WTIP: variants seen among roughly 807,000 people sequenced by gnomAD.
The protein encoded by WTIP is Wilms tumor protein 1-interacting protein.
A neutral mutation model predicts 41.7 loss-of-function variants in WTIP; 23 were observed. The observed-to-expected ratio is 0.55, with a 90% confidence interval of 0.40 to 0.78. The LOEUF (loss-of-function observed/expected upper bound fraction) is 0.78. Among genes scored for constraint, WTIP ranks in the 30% least tolerant of loss-of-function variants. The pLI, the probability that WTIP is intolerant of heterozygous loss-of-function variation, is 0.00. For missense variants in WTIP, 619 were observed against 610.5 expected, an observed-to-expected ratio of 1.01 and a Z score of -0.15; for synonymous variants, 314 against 269.9, an observed-to-expected ratio of 1.16 and a Z score of -1.60.
chr19:34,491,678 G>A (rs569099331), intron 2 of WTIP, among the ~76,000 whole-genome samples: 1 of 150,494 alleles, frequency 6.6e-6, no homozygotes. Context: ...ACAGAGTCTC[G>A]CTCTCCCCGA....
chr19:34,505,774 G>T lies in WTIP; in HGVS notation c.*5505G>T, dbSNP rs2075908777. The T allele has an allele frequency of 6.6e-6, 1 of 152,402 alleles. No homozygotes were observed. Among genetic ancestry groups the T allele is most frequent in the African/African-American group, 2.4e-5 (1 of 41,452 alleles). The allele number at this position is 152,402 out of a possible 1,614,324, so 9.4% of individuals were successfully genotyped here. A position where few individuals can be genotyped will look rare whatever the true frequency, so the allele number is the denominator to read the frequency against. On this transcript the variant is annotated 3_prime_UTR_variant, in exon 8 of 8. Coordinates refer to ENST00000590071, the MANE Select transcript of WTIP (RefSeq NM_001080436.2). Reference sequence around the variant, plus strand: ...CAGCACCTGGGCCATCCCTGATAGTGATCAGCCCTGCTGAGGAAGGGTTAG... The same window carrying T: ...CAGCACCTGGGCCATCCCTGATAGTTATCAGCCCTGCTGAGGAAGGGTTAG...
In WTIP at chr19:34,482,268, CGGCGGCGGT is replaced by C. The variant is rs1372550716; in HGVS notation, c.301_309del (p.Gly101_Gly103del). ...GGGCCAGCCTGGCGGGGTCCGACGG[CGGCGGCGGT>C]GGCGGCAGCGCCCGATCCAGCGGCA... On this transcript the variant is annotated inframe_deletion, in exon 1 of 8. Transcript: ENST00000590071. 1.5e-5 allele frequency: 19 copies of C among 1,298,492 alleles called. No individual in the cohort carries two copies. The highest frequency in any genetic ancestry group is 1.9e-5 in the Non-Finnish European group (19 of 1,016,150). The allele number at this position is 1,298,492 out of a possible 1,614,324, so 80.4% of individuals were successfully genotyped here. A position where few individuals can be genotyped will look rare whatever the true frequency, so the allele number is the denominator to read the frequency against.
chr19:34,482,707 C>G, intron 1 of WTIP, 66 bp downstream of exon 1: 1 of 1,213,128 alleles, frequency 8.2e-7, no homozygotes, highest in Non-Finnish European at 1.0e-6. Context: ...GAGACTGCCT[C>G]GGGTAGGCGG....
In WTIP at chr19:34,484,218, C is replaced by A. The variant is rs552152236; in HGVS notation, c.667+1577C>A. ...GGGATTACAGGCGTGAGCCACCGTG[C>A]CCGGCCCTGAACTGGATCTTGAGGG... On this transcript the variant is annotated intron_variant, in intron 1 of 7. Coordinates refer to ENST00000590071, the MANE Select transcript of WTIP (RefSeq NM_001080436.2). Among the ~76,000 whole-genome samples the A allele has an allele frequency of 2.6e-5, 4 of 152,224 alleles. No individual in the cohort carries two copies. In the South Asian group the frequency reaches 6.2e-4, roughly 24 times the overall value.
rs564097609 is a variant in WTIP at position 34,493,388 on chromosome 19, G to A, written c.900+63G>A. On this transcript the variant is annotated intron_variant, in intron 4 of 7. Coordinates refer to ENST00000590071, the MANE Select transcript of WTIP (RefSeq NM_001080436.2). This position sits in a 1 kb window ranked among gnomAD's most constrained non-coding sequence, Gnocchi z 4.1. ...GTGGGTGGAGTCTGAGGACTCTACC[G>A]TCTCCCCTGCTCCAGACCTGCCAGG... is the stretch of plus-strand genomic sequence containing the variant. The A allele has an allele frequency of 6.3e-6, 10 of 1,593,124 alleles. No homozygotes were observed. Among genetic ancestry groups the A allele is most frequent in the South Asian group, 3.4e-5 (3 of 88,728 alleles).
intron 2 of WTIP, among the ~76,000 whole-genome samples, chr19:34,491,962 G>A (rs2075827646): frequency 6.6e-6 from 1 of 152,020 alleles, no homozygotes; most frequent in African/African-American, 2.4e-5. Context: ...CCCTTTTTCA[G>A]TTGATCCCTG....
chr19:34,492,133 A>G (rs533724223), intron 2 of WTIP, among the ~76,000 whole-genome samples: 1 of 135,624 alleles, frequency 7.4e-6, no homozygotes, highest in African/African-American at 2.8e-5. Flanking sequence ...TTTTTTAAGA[A>G]GCAGGGTCTT....
chr19:34,495,705 C>G lies in WTIP; in HGVS notation c.1086C>G (p.Gly362=). 6.2e-7 allele frequency: 1 copy of G among 1,613,934 alleles called. No individual in the cohort carries two copies. The highest frequency in any genetic ancestry group is 8.5e-7 in the Non-Finnish European group (1 of 1,179,928). The part of the protein sequence containing the change: ...SCARPILPAQ[G]CETTIRVVSM... ...GTGAACTCCTTCTCTTCCTCCAGGG[C>G]TGCGAGACAACCATCCGTGTGGTGT... Residue 362 remains glycine (G), a splice_region_variant and synonymous_variant, in exon 7 of 8, where the codon GGC becomes GGG. Coordinates refer to ENST00000590071, the MANE Select transcript of WTIP (RefSeq NM_001080436.2).
chr19:34,481,886 G>C lies in WTIP; in HGVS notation c.-89G>C. On this transcript the variant is annotated 5_prime_UTR_variant, in exon 1 of 8. Transcript: ENST00000590071. Reference sequence around the variant, plus strand: ...GCCCAGGGGTCCCGGGGCGGGCTCCGGGCTTCGGGCGGACGATGCGGCGGC... The same window carrying C: ...GCCCAGGGGTCCCGGGGCGGGCTCCCGGCTTCGGGCGGACGATGCGGCGGC... 3 of 835,586 alleles carry C rather than the reference G, an allele frequency of 3.6e-6. No individual in the cohort carries two copies. The highest frequency in any genetic ancestry group is 4.3e-6 in the Non-Finnish European group (3 of 694,754). The allele number at this position is 835,586 out of a possible 1,614,324, so 51.8% of individuals were successfully genotyped here.
In WTIP at chr19:34,509,630, C is replaced by T. The variant is rs1412438467; in HGVS notation, c.*9361C>T. 1 of 152,182 alleles carries T rather than the reference C, an allele frequency of 6.6e-6. No homozygotes were observed. Among genetic ancestry groups the T allele is most frequent in the Admixed American group, 6.5e-5 (1 of 15,274 alleles). The allele number at this position is 152,182 out of a possible 1,614,324, so 9.4% of individuals were successfully genotyped here. A position where few individuals can be genotyped will look rare whatever the true frequency, so the allele number is the denominator to read the frequency against. On this transcript the variant is annotated 3_prime_UTR_variant, in exon 8 of 8. Coordinates refer to ENST00000590071, the MANE Select transcript of WTIP (RefSeq NM_001080436.2). ...CCAATCATGACTTCCCAACAGTCCC[C>T]CAAATTCTTAACTCATTTCAGCATT...
At chr19:34,488,631 T>C (rs2075809769) in intron 1 of WTIP, among the ~76,000 whole-genome samples, 1 of 152,072 alleles carries the variant, frequency 6.6e-6, no homozygotes, top group South Asian at 2.1e-4. Flanking sequence ...CCTCCCAAAG[T>C]GCTGGGATTA....
intron 1 of WTIP, among the ~76,000 whole-genome samples, chr19:34,488,392 A>G (rs891712709): frequency 5.4e-5 from 8 of 148,660 alleles, no homozygotes; most frequent in African/African-American, 2.0e-4. Context: ...TTTTGGAGAC[A>G]TCTCACTCTG....
Position 34,503,859 on chromosome 19 carries a change from C to T in WTIP, c.*3590C>T, listed in dbSNP as rs1165946982. On this transcript the variant is annotated 3_prime_UTR_variant, in exon 8 of 8. Transcript: ENST00000590071. Reference sequence around the variant, plus strand: ...CCTAGTGAAGGATCCACAGTGGGTACATAAAGGGCCAAGCGCTGTCCACGT... The same window carrying T: ...CCTAGTGAAGGATCCACAGTGGGTATATAAAGGGCCAAGCGCTGTCCACGT... 1 of 152,478 alleles carries T rather than the reference C, an allele frequency of 6.6e-6. No homozygotes were observed. Among genetic ancestry groups the T allele is most frequent in the Non-Finnish European group, 1.5e-5 (1 of 68,168 alleles). The allele number at this position is 152,478 out of a possible 1,614,324, so 9.4% of individuals were successfully genotyped here. A position where few individuals can be genotyped will look rare whatever the true frequency, so the allele number is the denominator to read the frequency against.
intron 5 of WTIP, 71 bp from the exon 6 acceptor site, chr19:34,494,515 G>T: frequency 6.7e-7 from 1 of 1,496,126 alleles, no homozygotes; most frequent in Non-Finnish European, 9.2e-7. Context: ...GTTCCTGTGG[G>T]TGCCCCTGTG....
At chr19:34,495,398 TA>T (rs200680227) in intron 6 of WTIP, among the ~76,000 whole-genome samples, 126 of 144,334 alleles carry the variant, frequency 8.7e-4, no homozygotes, top group Non-Finnish European at 8.6e-4. Context: ...CCCTGTCTCT[TA>T]AAAAAAAAAA....
intron 1 of WTIP, among the ~76,000 whole-genome samples, chr19:34,485,781 C>T (rs2075794090): frequency 6.6e-6 from 1 of 152,022 alleles, no homozygotes; most frequent in African/African-American, 2.4e-5. Context: ...GTTTTGTAGA[C>T]CTGAGATCTT....
At chr19:34,487,602 A>G (rs959339121) in intron 1 of WTIP, among the ~76,000 whole-genome samples, 9 of 152,250 alleles carry the variant, frequency 5.9e-5, no homozygotes, top group East Asian at 1.9e-4. Context: ...TGGAAAGTCC[A>G]TAGATGGGGA....
chr19:34,505,382 G>A lies in WTIP; in HGVS notation c.*5113G>A, dbSNP rs995531487. 1 of 152,288 alleles carries A rather than the reference G, an allele frequency of 6.6e-6. No individual in the cohort carries two copies. Among genetic ancestry groups the A allele is most frequent in the African/African-American group, 2.4e-5 (1 of 41,430 alleles). 9.4% of individuals were successfully genotyped at this position (152,288 alleles called of 1,614,324 possible). Reference sequence around the variant, plus strand: ...ATTGCTGGGCCACCATCCCAGACCTGGGGCATGTGTCACAGGGCTGCCAGG... The same window carrying A: ...ATTGCTGGGCCACCATCCCAGACCTAGGGCATGTGTCACAGGGCTGCCAGG... On this transcript the variant is annotated 3_prime_UTR_variant, in exon 8 of 8. Transcript: ENST00000590071.
intron 7 of WTIP, among the ~76,000 whole-genome samples, chr19:34,496,824 G>A (rs1030962744): frequency 1.3e-5 from 2 of 152,114 alleles, no homozygotes; most frequent in Admixed American, 1.3e-4. Flanking sequence ...GCCGACAGCT[G>A]TGGGAATTTG....
Sources: allele counts gnomAD v4.1 joint callset (sites outside exome capture counted in the v4.1 genomes callset), GRCh38; gene constraint gnomAD v4.1.1; non-coding constraint Gnocchi (gnomAD v3.1); transcripts MANE v1.5; gene names NCBI Gene and HGNC (gene_info 2026-07-23, HGNC 2026-07-21).